ZNF670: variants seen among roughly 807,000 people sequenced by gnomAD.
ZNF670 encodes zinc finger protein 670.
Under a neutral mutation model 10.9 loss-of-function variants are expected in ZNF670, and 7 were observed. The ratio of observed to expected loss-of-function variants is 0.64; its 90% CI spans 0.36 to 1.20. ZNF670 has a LOEUF of 1.20. ZNF670 is among the 50% of genes most tolerant of loss of function. The pLI is 0.02. For missense variants in ZNF670, 446 were observed against 458.6 expected (o/e 0.97, Z 0.25); for synonymous variants, 136 against 152.7 (o/e 0.89, Z 0.81).
chr1:247,043,259 G>T, intron 1 of ZNF670: 1 of 663,008 alleles, frequency 1.5e-6, no homozygotes, highest in South Asian at 1.4e-5. Flanking sequence ...ATTGTCTCTG[G>T]GTATATTCTG....
Position 247,037,879 on chromosome 1 carries a change from T to A in ZNF670, c.740A>T (p.His247Leu), listed in dbSNP as rs762486208. The change falls in exon 4 of 4, where the codon CAT becomes CTT. Residue 247 changes from histidine (H) to leucine (L), a missense_variant. Coordinates refer to ENST00000366503, the MANE Select transcript of ZNF670 (RefSeq NM_033213.5). ...SSSLRQHERS[H>L]TGEKPYECKE... The stretch of plus-strand genomic sequence containing the variant: ...ACATTCATAGGGTTTCTCTCCAGTA[T>A]GAGATCTTTCATGTTGGCGAAGAGA... The A allele has an allele frequency of 4.3e-6, 7 of 1,611,832 alleles. No individual in the cohort carries two copies. Among genetic ancestry groups the A allele is most frequent in the African/African-American group, 1.3e-5 (1 of 74,876 alleles).
At chr1:247,076,044 A>C (rs1671243395) in intron 1 of ZNF670, among the ~76,000 whole-genome samples, 1 of 152,130 alleles carries the variant, frequency 6.6e-6, no homozygotes, top group African/African-American at 2.4e-5. Context: ...TTTTAAAGTT[A>C]ATGAAAAACT....
intron 1 of ZNF670, among the ~76,000 whole-genome samples, chr1:247,041,536 T>C (rs1670310701): frequency 6.6e-6 from 1 of 152,212 alleles, no homozygotes; most frequent in Non-Finnish European, 1.5e-5. Context: ...ATGACGGCCA[T>C]GGCAAACGGG....
rs111819465 is a variant in ZNF670 at position 247,069,078 on chromosome 1, C to CA, written c.3+9515dup. The stretch of plus-strand genomic sequence containing the variant: ...AGAGGTGGAGACAGTTAATGGCTGA[C>CA]AAAAAAAAAATACTTAGAAAGAATA... On this transcript the variant is annotated intron_variant, in intron 1 of 3. Transcript: ENST00000366503. 5.7e-3 allele frequency among the ~76,000 whole-genome samples: 826 copies of CA among 145,174 alleles called. 46 individuals carry two copies. Among genetic ancestry groups the CA allele is most frequent in the African/African-American group, 0.02 (759 of 38,592 alleles).
chr1:247,062,785 A>G (rs1008530127), intron 1 of ZNF670, among the ~76,000 whole-genome samples: 12 of 151,668 alleles, frequency 7.9e-5, no homozygotes, highest in Admixed American at 7.9e-4. Flanking sequence ...CTATCGGAAG[A>G]CTCCCCTCAG....
chr1:247,065,593 C>T (rs1226173178), intron 1 of ZNF670, among the ~76,000 whole-genome samples: 1 of 151,970 alleles, frequency 6.6e-6, no homozygotes, highest in African/African-American at 2.4e-5. Flanking sequence ...AGTGGAATAG[C>T]GTGCAGAGTA....
At chr1:247,038,464 T>C in intron 3 of ZNF670, 37 bp from the exon 4 acceptor site, 2 of 1,556,016 alleles carry the variant, frequency 1.3e-6, no homozygotes, top group Non-Finnish European at 1.7e-6. Context: ...GGTACATTTA[T>C]TCATGGTTTA....
intron 1 of ZNF670, among the ~76,000 whole-genome samples, chr1:247,074,162 G>A (rs1052557974): frequency 1.3e-5 from 2 of 152,108 alleles, no homozygotes; most frequent in Non-Finnish European, 2.9e-5. Context: ...AACAGACAGC[G>A]TAATTTTTTT....
rs987622846 is a variant in ZNF670 at position 247,043,118 on chromosome 1, C to G, written c.4-3581G>C. On this transcript the variant is annotated intron_variant, in intron 1 of 3. Coordinates refer to ENST00000366503, the MANE Select transcript of ZNF670 (RefSeq NM_033213.5). ...CAGGAAAAAGAACTGGTGTTTGACA[C>G]TGACATGACAGACATGACAATGTGA... 2.9e-6 allele frequency: 3 copies of G among 1,021,864 alleles called. No homozygotes were observed. In the African/African-American group the frequency reaches 4.5e-5, roughly 15 times the overall value. 63.3% of individuals were successfully genotyped at this position (1,021,864 alleles called of 1,614,324 possible).
At position 247,037,819 on chromosome 1, in the gene ZNF670, TA is replaced by T; in HGVS notation, c.799del (p.Tyr267ThrfsTer18). 1 of 1,612,956 alleles carries T rather than the reference TA, an allele frequency of 6.2e-7. No homozygotes were observed. The highest frequency in any genetic ancestry group is 8.5e-7 in the Non-Finnish European group (1 of 1,179,700). On this transcript the variant is annotated frameshift_variant, in exon 4 of 4. Transcript: ENST00000366503. LOFTEE classifies it low-confidence loss of function (END_TRUNC). ...ATGCGTTCTTTCATGTATTCCCAAG[TA>T]AGTGGAACGACTGAAGGCTTTGCCA... ...ECGKAFSRSTYLGIHERTHTG... is the reference protein window; with the variant it reads ...ECGKAFSRSTXLGIHERTHTG...
intron 1 of ZNF670, among the ~76,000 whole-genome samples, chr1:247,057,617 T>A (rs76053716): frequency 0.032 from 4,804 of 152,144 alleles, 256 homozygotes; most frequent in African/African-American, 0.11. Context: ...ATGAAGAAAA[T>A]GTAGCACATA....
Position 247,038,191 on chromosome 1 carries a change from C to T in ZNF670, c.428G>A (p.Cys143Tyr), listed in dbSNP as rs1431476540. ...GATAAAGGCTTTCCCACATTGTTTG[C>T]AATGATATAACTTCTCTGGACATTC... ...CEECPEKLYH[C>Y]KQCGKAFISL... The change falls in exon 4 of 4, where the codon TGC becomes TAC. Residue 143 changes from cysteine to tyrosine, a missense_variant. Coordinates refer to ENST00000366503, the MANE Select transcript of ZNF670 (RefSeq NM_033213.5). 8 of 1,614,054 alleles carry T rather than the reference C, an allele frequency of 5.0e-6. No homozygotes were observed. Among genetic ancestry groups the T allele is most frequent in the Non-Finnish European group, 6.8e-6 (8 of 1,180,032 alleles).
chr1:247,038,703 G>GA (rs893291880), intron 3 of ZNF670, 107 bp downstream of exon 3: 3,994 of 934,970 alleles, frequency 4.3e-3, no homozygotes, highest in South Asian at 5.1e-3. Context: ...GACTTTTCTG[G>GA]AAAAAAAAAA....
intron 1 of ZNF670, among the ~76,000 whole-genome samples, chr1:247,045,747 TG>T (rs1558338233): frequency 6.6e-6 from 1 of 152,014 alleles, no homozygotes; most frequent in African/African-American, 2.4e-5. Flanking sequence ...CTGGGTAACA[TG>T]CAGAAGCTGG....
chr1:247,042,314 G>A (rs1432530206), intron 1 of ZNF670, among the ~76,000 whole-genome samples: 6 of 152,202 alleles, frequency 3.9e-5, no homozygotes, highest in African/African-American at 1.4e-4. Flanking sequence ...CATTGCGAGA[G>A]AAGACAGAAC....
chr1:247,051,485 C>T (rs1670593820), intron 1 of ZNF670, among the ~76,000 whole-genome samples: 1 of 152,214 alleles, frequency 6.6e-6, no homozygotes, highest in Non-Finnish European at 1.5e-5. Flanking sequence ...GAAAAATCTG[C>T]TGTAATCTGA....
At position 247,036,321 on chromosome 1, in the gene ZNF670, A is replaced by G. The variant is rs1670149596; in HGVS notation, c.*1128T>C. Among the ~76,000 whole-genome samples the G allele has an allele frequency of 1.3e-5, 2 of 152,218 alleles. No individual in the cohort carries two copies. Among genetic ancestry groups the G allele is most frequent in the South Asian group, 4.1e-4 (2 of 4,838 alleles). ...AATGCTTTCACACGCAGATTAGACA[A>G]GCATACTGTCCAATCACAGTTCTCT... On this transcript the variant is annotated 3_prime_UTR_variant, in exon 4 of 4. Coordinates refer to ENST00000366503, the MANE Select transcript of ZNF670 (RefSeq NM_033213.5).
At chr1:247,076,491 C>T (rs1195656534) in intron 1 of ZNF670, among the ~76,000 whole-genome samples, 1 of 151,982 alleles carries the variant, frequency 6.6e-6, no homozygotes, top group African/African-American at 2.4e-5. Flanking sequence ...CTCCTGACCT[C>T]GTGATCCGCC....
chr1:247,047,167 C>T (rs1459044953), intron 1 of ZNF670, among the ~76,000 whole-genome samples: 1 of 152,236 alleles, frequency 6.6e-6, no homozygotes, highest in East Asian at 1.9e-4. Context: ...AGTGGATCTA[C>T]CATTCTGGGT....
Sources: allele counts gnomAD v4.1 joint callset (sites outside exome capture counted in the v4.1 genomes callset), GRCh38; gene constraint gnomAD v4.1.1; transcripts MANE v1.5; gene names NCBI Gene and HGNC (gene_info 2026-07-23, HGNC 2026-07-21).